The following DDB2 variants were observed in gnomAD, a reference collection of about 807,000 sequenced individuals.
DDB2 encodes DNA damage-binding protein 2.
A neutral mutation model predicts 50.5 loss-of-function variants in DDB2; 27 were observed. The ratio of observed to expected loss-of-function variants is 0.53; its 90% CI spans 0.39 to 0.74. The LOEUF is 0.74. DDB2 is among the 30% of genes least tolerant of loss of function. The probability of loss-of-function intolerance (pLI) is 0.00; values close to 1 mark genes in which losing one functional copy is unlikely to be tolerated. For missense variants in DDB2, 424 were observed against 545.6 expected, an observed-to-expected ratio of 0.78 and a Z score of 2.22; for synonymous variants, 176 against 205.5, an observed-to-expected ratio of 0.86 and a Z score of 1.23.
Position 47,227,099 on chromosome 11 carries a change from C to CTTTTTT in DDB2, c.457-5696_457-5691dup, listed in dbSNP as rs34243882. ...TTCTTTATATATTCTGGATATTAAC[C>CTTTTTT]TTTTTTTTTTTTTTTTTTTTTTTTG... On this transcript the variant is annotated intron_variant, in intron 3 of 9. Transcript: ENST00000256996. Among the ~76,000 whole-genome samples the CTTTTTT allele has an allele frequency of 2.5e-3, 80 of 32,146 alleles. 12 individuals carry two copies. Among genetic ancestry groups the CTTTTTT allele is most frequent in the African/African-American group, 3.1e-3 (22 of 7,132 alleles). The allele number at this position is 32,146 out of a possible 152,430, so 21.1% of individuals were successfully genotyped here. A position where few individuals can be genotyped will look rare whatever the true frequency, so the allele number is the denominator to read the frequency against.
rs201317629 is a variant in DDB2, at chr11:47,215,101, G to T, written c.-36G>T. On this transcript the variant is annotated 5_prime_UTR_variant, in exon 1 of 10. Transcript: ENST00000256996. ...TCTCAATCCTCCCTCCATGATCTTC[G>T]CATAGAGCACAGTACCCCTTCACAC... 4 of 1,613,750 alleles carry T rather than the reference G, an allele frequency of 2.5e-6. No homozygotes were observed. The South Asian group carries it at 3.3e-5, about 13-fold the overall frequency.
rs373044335 is a variant in DDB2, at chr11:47,234,911, C to T, written c.857C>T (p.Pro286Leu). ...AAAGCCAGCTTCCTCTACTCGCTGC[C>T]GCACAGGCATCCTGTCAACGCAGGT... ...RGKASFLYSL[P>L]HRHPVNAACF... The change falls in exon 6 of 10, where the codon CCG becomes CTG. Residue 286 changes from proline (P) to leucine (L), a missense_variant. Transcript: ENST00000256996. The T allele has an allele frequency of 1.7e-5, 28 of 1,614,086 alleles. No individual in the cohort carries two copies. Among genetic ancestry groups the T allele is most frequent in the Middle Eastern group, 1.6e-4 (1 of 6,084 alleles).
intron 3 of DDB2, among the ~76,000 whole-genome samples, chr11:47,224,586 G>A (rs1290090489): frequency 1.3e-5 from 2 of 152,074 alleles, no homozygotes; most frequent in African/African-American, 2.4e-5. Flanking sequence ...TGAAGAAAAA[G>A]AACAGTTCTT....
intron 4 of DDB2, among the ~76,000 whole-genome samples, chr11:47,233,845 G>A (rs182000569): frequency 9.5e-4 from 144 of 152,298 alleles, no homozygotes; most frequent in African/African-American, 3.4e-3. Flanking sequence ...GGGCTGTCCC[G>A]CAGGGATGAG....
At chr11:47,231,802 C>CGGTCTATAGGA (rs1953653765) in intron 3 of DDB2, among the ~76,000 whole-genome samples, 1 of 152,122 alleles carries the variant, frequency 6.6e-6, no homozygotes, top group South Asian at 2.1e-4. Context: ...TTACTGTGCT[C>CGGTCTATAGGA]GGTCTATAGG....
chr11:47,235,648 G>T (rs565382192), intron 7 of DDB2: 1 of 575,684 alleles, frequency 1.7e-6, no homozygotes, highest in African/African-American at 1.9e-5. Context: ...AGTTTTTTCA[G>T]CCCAGCTCTG....
intron 9 of DDB2, 47 bp from the exon 10 acceptor site, chr11:47,238,753 A>T: frequency 6.2e-7 from 1 of 1,606,160 alleles, no homozygotes; most frequent in Non-Finnish European, 8.5e-7. Flanking sequence ...AGGCTCTGAG[A>T]GATTGGTAAC....
intron 5 of DDB2, 23 bp from the exon 6 acceptor site, chr11:47,234,734 C>A: frequency 1.9e-6 from 3 of 1,614,126 alleles, no homozygotes; most frequent in Non-Finnish European, 2.5e-6. Context: ...GTGTCCCCAC[C>A]TGAACCGAGC....
At chr11:47,236,094 A>C (rs1450235272) in intron 7 of DDB2, 2 of 151,938 alleles carry the variant, frequency 1.3e-5, no homozygotes, top group Non-Finnish European at 2.9e-5. Context: ...CACCATACCC[A>C]GCTAATTTTT....
At chr11:47,233,070 G>A in intron 4 of DDB2, 111 bp downstream of exon 4, 1 of 1,266,602 alleles carries the variant, frequency 7.9e-7, no homozygotes, top group East Asian at 2.3e-5. Flanking sequence ...AGAAAGGAAA[G>A]ATGTCAGCCA....
chr11:47,228,977 A>AAATCTATCTATCTATC (rs376107098), intron 3 of DDB2, among the ~76,000 whole-genome samples: 4 of 124,662 alleles, frequency 3.2e-5, no homozygotes, highest in Non-Finnish European at 4.9e-5. Context: ...AAAAAAAGAA[A>AAATCTATCTATCTATC]TATCTATCTA....
At chr11:47,217,890 C>CA (rs546248614) in intron 3 of DDB2, among the ~76,000 whole-genome samples, 8 of 149,970 alleles carry the variant, frequency 5.3e-5, no homozygotes, top group East Asian at 2.0e-4. Flanking sequence ...GACTCCATCT[C>CA]AAAAAAAAAG....
chr11:47,214,978 T>G lies in DDB2; in HGVS notation c.-159T>G. On this transcript the variant is annotated 5_prime_UTR_variant, in exon 1 of 10. Coordinates refer to ENST00000256996, the MANE Select transcript of DDB2 (RefSeq NM_000107.3). Reference sequence around the variant, plus strand: ...GTGGGGCCGGAGCTCCAAGCTGGTTTGAACAAGCCCTGGGCATGTTTGGCG... The same window carrying G: ...GTGGGGCCGGAGCTCCAAGCTGGTTGGAACAAGCCCTGGGCATGTTTGGCG... 9.1e-7 allele frequency: 1 copy of G among 1,096,450 alleles called. No homozygotes were observed. The highest frequency in any genetic ancestry group is 2.4e-5 in the East Asian group (1 of 41,344). 67.9% of individuals were successfully genotyped at this position (1,096,450 alleles called of 1,614,324 possible). A position where few individuals can be genotyped will look rare whatever the true frequency, so the allele number is the denominator to read the frequency against.
In DDB2 at chr11:47,217,113, C is replaced by T. The variant is rs529323758; in HGVS notation, c.456+64C>T. The T allele has an allele frequency of 1.4e-4, 204 of 1,464,142 alleles. 1 individual carries two copies. In the East Asian group the frequency reaches 1.6e-3, roughly 12 times the overall value. 90.7% of individuals were successfully genotyped at this position (1,464,142 alleles called of 1,614,324 possible). On this transcript the variant is annotated intron_variant, in intron 3 of 9. Coordinates refer to ENST00000256996, the MANE Select transcript of DDB2 (RefSeq NM_000107.3). ...TTTGTTGGCTGGGTGCAGTGGTTCGCACCTGTAATCCCAGCACTTTGGGAG... is the reference window on the plus strand; with the variant it reads ...TTTGTTGGCTGGGTGCAGTGGTTCGTACCTGTAATCCCAGCACTTTGGGAG...
At chr11:47,229,730 G>C in intron 3 of DDB2, 1 of 389,928 alleles carries the variant, frequency 2.6e-6, no homozygotes, top group Non-Finnish European at 4.9e-6. Flanking sequence ...AGACAGTTGT[G>C]AAGCAATCTG....
chr11:47,218,790 G>C (rs761800666), intron 3 of DDB2, among the ~76,000 whole-genome samples: 7 of 151,264 alleles, frequency 4.6e-5, no homozygotes, highest in Admixed American at 2.0e-4. Flanking sequence ...GGGTAAACTA[G>C]AGATGACTGT....
intron 3 of DDB2, among the ~76,000 whole-genome samples, chr11:47,226,100 G>A (rs1249588111): frequency 2.6e-5 from 4 of 152,080 alleles, no homozygotes; most frequent in East Asian, 1.9e-4. Flanking sequence ...TTGAGACCCC[G>A]ATTTCAGTTC....
upstream of DDB2, chr11:47,214,741 A>G: frequency 2.9e-6 from 1 of 348,622 alleles, no homozygotes; most frequent in Non-Finnish European, 5.5e-6. Flanking sequence ...ACTGCCCTCC[A>G]GAGTGAGCGA....
At chr11:47,226,435 G>T (rs954216898) in intron 3 of DDB2, among the ~76,000 whole-genome samples, 9 of 151,896 alleles carry the variant, frequency 5.9e-5, no homozygotes, top group Non-Finnish European at 1.2e-4. Flanking sequence ...CACCATGCCC[G>T]GCTAATTTTT....
Sources: gnomAD v4.1 joint callset for allele counts (sites outside exome capture counted in the v4.1 genomes callset) on GRCh38, gnomAD v4.1.1 for gene constraint, MANE v1.5 for transcripts, NCBI Gene and HGNC (gene_info 2026-07-23, HGNC 2026-07-21) for gene names.